Variants in RAB3IL1 observed in about 807,000 individuals in gnomAD.
RAB3IL1 encodes RAB3A interacting protein like 1, also known as guanine nucleotide exchange factor for Rab-3A.
In RAB3IL1, 37 loss-of-function variants were observed where a neutral mutation model predicts 49.2. That is an observed-to-expected ratio of 0.75 (90% confidence interval 0.58 to 0.99). The LOEUF is 0.99. Ranked by LOEUF, RAB3IL1 falls within the 50% of genes least tolerant of loss-of-function variation. The pLI, the probability that RAB3IL1 is intolerant of heterozygous loss-of-function variation, is 0.00. For synonymous variants in RAB3IL1, 193 were observed against 213.9 expected (o/e 0.90, Z 0.85); for missense variants, 484 against 513.0 (o/e 0.94, Z 0.55).
chr11:61,945,083 AT>A, the RAB3IL1 span, among the ~76,000 whole-genome samples: 1 of 152,162 alleles, frequency 6.6e-6, no homozygotes, highest in Non-Finnish European at 1.5e-5. Flanking sequence ...GCCAGTCTGC[AT>A]CTGAGGCAGG....
the RAB3IL1 span, among the ~76,000 whole-genome samples, chr11:61,945,383 G>C: frequency 2.4e-4 from 36 of 152,254 alleles, no homozygotes; most frequent in East Asian, 6.9e-3. Flanking sequence ...AAACACGGTC[G>C]GTCGGCATTC....
In RAB3IL1 at chr11:61,904,604, C is replaced by T. The variant is rs1434280386; in HGVS notation, c.841G>A (p.Val281Met). 12 of 1,613,396 alleles carry T rather than the reference C, an allele frequency of 7.4e-6. No individual in the cohort carries two copies. The highest frequency in any genetic ancestry group is 1.0e-5 in the Non-Finnish European group (12 of 1,179,800). ...VEDNTLTIEP[V>M]ASQTLPTVKV... ...ACTGTGGGCAGCGTCTGCGAAGCCA[C>T]CGGCTCAATGGTGAGCGTGTTGTCC... The change falls in exon 7 of 10, where the codon GTG becomes ATG. Residue 281 changes from valine to methionine, a missense_variant. By Grantham distance (21) the Val-to-Met change is conservative (BLOSUM62 1). Coordinates refer to ENST00000394836, the MANE Select transcript of RAB3IL1 (RefSeq NM_013401.4).
chr11:61,898,225 TG>T lies in RAB3IL1; in HGVS notation c.*52del, dbSNP rs1938709093. The T allele has an allele frequency of 6.5e-7, 1 of 1,541,050 alleles. No individual in the cohort carries two copies. The highest frequency in any genetic ancestry group is 8.9e-7 in the Non-Finnish European group (1 of 1,122,298). On this transcript the variant is annotated 3_prime_UTR_variant, in exon 10 of 10. Transcript: ENST00000394836. The surrounding 1 kb of genome is among the most constrained non-coding windows in gnomAD (Gnocchi z 5.1). The stretch of plus-strand genomic sequence containing the variant: ...CGTCTCCCTGTGTGTCGGCTTGTTC[TG>T]GGGTGGGTGTTTGCTCTGTCTCAGA...
At chr11:61,930,804 A>T in the RAB3IL1 span, among the ~76,000 whole-genome samples, 2 of 152,202 alleles carry the variant, frequency 1.3e-5, no homozygotes, top group African/African-American at 4.8e-5. Context: ...AACAAACTTT[A>T]AGACGAAAAA....
intron 5 of RAB3IL1, among the ~76,000 whole-genome samples, chr11:61,905,697 G>A (rs1591224017): frequency 1.3e-5 from 2 of 152,306 alleles, no homozygotes; most frequent in Non-Finnish European, 1.5e-5. Context: ...AGACAGAGGT[G>A]GAAGCCAGGA....
chr11:61,920,783 C>T (rs578192765), upstream of RAB3IL1, among the ~76,000 whole-genome samples: 1 of 152,130 alleles, frequency 6.6e-6, no homozygotes, highest in South Asian at 2.1e-4. Flanking sequence ...ATTAGCCGGG[C>T]ATGGTGGCGC....
intron 5 of RAB3IL1, among the ~76,000 whole-genome samples, chr11:61,905,444 AG>A (rs1288179711): frequency 6.6e-6 from 1 of 152,068 alleles, no homozygotes; most frequent in Non-Finnish European, 1.5e-5. Context: ...GGGGCTCCCC[AG>A]GTGGGAGCGG....
upstream of RAB3IL1, among the ~76,000 whole-genome samples, chr11:61,924,083 A>T (rs540872440): frequency 6.6e-6 from 1 of 152,274 alleles, no homozygotes; most frequent in African/African-American, 2.4e-5. Context: ...CCAGGACAGC[A>T]CTTTGAGAAC....
At chr11:61,911,389 G>A (rs546007789) in intron 1 of RAB3IL1, among the ~76,000 whole-genome samples, 1 of 152,288 alleles carries the variant, frequency 6.6e-6, no homozygotes, top group Non-Finnish European at 1.5e-5. Context: ...TCATTTCCAG[G>A]CTGCAAGGCC....
In RAB3IL1 at chr11:61,898,064, G is replaced by A. The variant is rs1373071253; in HGVS notation, c.*214C>T. On this transcript the variant is annotated 3_prime_UTR_variant, in exon 10 of 10. Transcript: ENST00000394836. The surrounding 1 kb of genome is among the most constrained non-coding windows in gnomAD (Gnocchi z 5.1). ...CTCCTGGTGGTGGCAGAACCCAGTG[G>A]GGAAGAGAGGGGGGTCTTGCCGTGA... is the stretch of plus-strand genomic sequence containing the variant. 5.4e-6 allele frequency: 3 copies of A among 556,324 alleles called. No homozygotes were observed. The highest frequency in any genetic ancestry group is 3.2e-5 in the Admixed American group (1 of 30,782). The allele number at this position is 556,324 out of a possible 1,614,324, so 34.5% of individuals were successfully genotyped here. A position where few individuals can be genotyped will look rare whatever the true frequency, so the allele number is the denominator to read the frequency against.
chr11:61,934,057 T>G, the RAB3IL1 span, among the ~76,000 whole-genome samples: 1 of 152,158 alleles, frequency 6.6e-6, no homozygotes, highest in Admixed American at 6.5e-5. Context: ...GTCCCTGTTC[T>G]ATAGAGGTAG....
the RAB3IL1 span, among the ~76,000 whole-genome samples, chr11:61,946,232 G>A: frequency 1.3e-5 from 2 of 152,148 alleles, no homozygotes; most frequent in Admixed American, 1.3e-4. Flanking sequence ...TCCAGGCCTG[G>A]CTGACTTACC....
In RAB3IL1 at chr11:61,917,509, T is replaced by G. The variant is rs1381526950; in HGVS notation, c.-142A>C. 8.9e-7 allele frequency: 1 copy of G among 1,128,262 alleles called. No individual in the cohort carries two copies. Among genetic ancestry groups the G allele is most frequent in the Non-Finnish European group, 1.1e-6 (1 of 923,022 alleles). 69.9% of individuals were successfully genotyped at this position (1,128,262 alleles called of 1,614,324 possible). A position where few individuals can be genotyped will look rare whatever the true frequency, so the allele number is the denominator to read the frequency against. On this transcript the variant is annotated 5_prime_UTR_variant, in exon 1 of 10. Transcript: ENST00000394836. ...CCTGCCCGCGGCCGGTCAGTAGGTC[T>G]CAGACGCCTGGGCTCGCGGCCCCCA...
At chr11:61,936,465 G>T in the RAB3IL1 span, among the ~76,000 whole-genome samples, 1 of 152,130 alleles carries the variant, frequency 6.6e-6, no homozygotes, top group Non-Finnish European at 1.5e-5. Flanking sequence ...GCAGTGGCAC[G>T]ATCTCAGCTC....
At chr11:61,899,497 CCTGACT>C in intron 8 of RAB3IL1, 117 bp from the exon 9 acceptor site, 1 of 915,692 alleles carries the variant, frequency 1.1e-6, no homozygotes, top group African/African-American at 1.6e-5. Context: ...GGCAGTGCTC[CCTGACT>C]CAGCTGGGAC....
chr11:61,941,174 A>G, the RAB3IL1 span, among the ~76,000 whole-genome samples: 16 of 152,160 alleles, frequency 1.1e-4, no homozygotes, highest in African/African-American at 3.4e-4. Flanking sequence ...ATAGAACACT[A>G]TGAAAAATTG....
At chr11:61,902,251 GACATT>G (rs1468201900) in intron 8 of RAB3IL1, among the ~76,000 whole-genome samples, 186 bp downstream of exon 8, 12 of 152,370 alleles carry the variant, frequency 7.9e-5, no homozygotes, top group African/African-American at 2.9e-4. Context: ...CTGGGAGGCA[GACATT>G]GCAGTGAACT....
rs751341185 is a variant in RAB3IL1 at position 61,906,567 on chromosome 11, G to A, written c.556C>T (p.Arg186Ter). Residue 186 changes from arginine to a stop codon, truncating the protein, a stop_gained, in exon 5 of 10, where the codon CGA becomes TGA. Transcript: ENST00000394836. LOFTEE classifies it high-confidence loss of function. This position sits in a 1 kb window ranked among gnomAD's most constrained non-coding sequence, Gnocchi z 4.6. ...QLLSPTKAGPRKGHSRHKSTS... is the reference protein window; with the variant it reads ...QLLSPTKAGP ...CTCTTGTGGCGAGAGTGGCCCTTTC[G>A]GGGCCCGGCCTTGGTGGGGCTCAGC... is the stretch of plus-strand genomic sequence containing the variant. 8 of 1,596,468 alleles carry A rather than the reference G, an allele frequency of 5.0e-6. No individual in the cohort carries two copies. In the South Asian group the frequency reaches 6.8e-5, roughly 14 times the overall value.
intron 1 of RAB3IL1, among the ~76,000 whole-genome samples, chr11:61,911,339 C>T (rs1326900099): frequency 6.6e-6 from 1 of 152,204 alleles, no homozygotes; most frequent in African/African-American, 2.4e-5. Flanking sequence ...GCCTGACCTG[C>T]CCTTGGAGGG....
Sources: gnomAD v4.1 joint callset for allele counts (sites outside exome capture counted in the v4.1 genomes callset) on GRCh38, gnomAD v4.1.1 for gene constraint, Gnocchi (gnomAD v3.1) non-coding constraint, MANE v1.5 for transcripts, NCBI Gene and HGNC (gene_info 2026-07-23, HGNC 2026-07-21) for gene names.